The following TBCD variants were observed in gnomAD, a reference collection of about 807,000 sequenced individuals.
TBCD encodes the protein tubulin folding cofactor D, also known as tubulin-specific chaperone D.
A neutral mutation model predicts 169.3 loss-of-function variants in TBCD; 105 were observed. The observed-to-expected ratio is 0.62, with a 90% CI of 0.53 to 0.73. The LOEUF is 0.73. Ranked by LOEUF, TBCD falls within the 30% of genes least tolerant of loss-of-function variation. The probability of loss-of-function intolerance (pLI) is 0.00; values close to 1 mark genes in which losing one functional copy is unlikely to be tolerated. For missense variants in TBCD, 1,444 were observed against 1,600.1 expected, an observed-to-expected ratio of 0.90 and a Z score of 1.66; for synonymous variants, 700 against 643.9, an observed-to-expected ratio of 1.09 and a Z score of -1.32.
rs1263658483 is a variant in TBCD, at chr17:82,889,538, A to G, written c.1534-130A>G. 3.6e-6 allele frequency: 4 copies of G among 1,115,370 alleles called. No individual in the cohort carries two copies. The African/African-American group carries it at 4.7e-5, about 13-fold the overall frequency. The allele number at this position is 1,115,370 out of a possible 1,614,324, so 69.1% of individuals were successfully genotyped here. ...ACGCACCTTGAGGCTCTGTTCAGCC[A>G]ACAATGAGGGCTTTTATTTAAAAAA... On this transcript the variant is annotated intron_variant, in intron 15 of 38. Coordinates refer to ENST00000355528, the MANE Select transcript of TBCD (RefSeq NM_005993.5). The surrounding 1 kb of genome is among the most constrained non-coding windows in gnomAD (Gnocchi z 5.3).
At position 82,930,404 on chromosome 17, in the gene TBCD, C is replaced by T. The variant is rs868034846; in HGVS notation, c.2992-118C>T. 2.0e-5 allele frequency: 28 copies of T among 1,421,526 alleles called. No individual in the cohort carries two copies. Among genetic ancestry groups the T allele is most frequent in the Middle Eastern group, 2.5e-4 (1 of 3,952 alleles). 88.1% of individuals were successfully genotyped at this position (1,421,526 alleles called of 1,614,324 possible). ...CCAGCCGCTTGGGGCCAGACCTTCGCGTCTCTGCAGCTCGGAGCAGTTCTG... is the reference window on the plus strand; with the variant it reads ...CCAGCCGCTTGGGGCCAGACCTTCGTGTCTCTGCAGCTCGGAGCAGTTCTG... On this transcript the variant is annotated intron_variant, in intron 32 of 38. Transcript: ENST00000355528. This position sits in a 1 kb window ranked among gnomAD's most constrained non-coding sequence, Gnocchi z 5.2.
At position 82,937,742 on chromosome 17, in the gene TBCD, G is replaced by T. The variant is rs1196490629; in HGVS notation, c.3282-307G>T. 1.1e-5 allele frequency: 10 copies of T among 894,360 alleles called. No homozygotes were observed. In the East Asian group the frequency reaches 2.7e-4, roughly 24 times the overall value. The allele number at this position is 894,360 out of a possible 1,614,324, so 55.4% of individuals were successfully genotyped here. ...ACACTGGGCAGGTGCGCCAGCCAGC[G>T]ATAGGCACCTTGGCTGCTCTGTGGC... On this transcript the variant is annotated intron_variant, in intron 35 of 38. Coordinates refer to ENST00000355528, the MANE Select transcript of TBCD (RefSeq NM_005993.5).
intron 11 of TBCD, 113 bp from the exon 12 acceptor site, chr17:82,809,595 C>T: frequency 8.4e-7 from 1 of 1,188,088 alleles, no homozygotes; most frequent in South Asian, 1.3e-5. Context: ...TTGGCCTCTT[C>T]TCTCCTGGTC....
intron 7 of TBCD, among the ~76,000 whole-genome samples, chr17:82,794,899 G>C (rs1052430015): frequency 6.6e-6 from 1 of 152,198 alleles, no homozygotes; most frequent in Non-Finnish European, 1.5e-5. Flanking sequence ...AGGAGAAAAA[G>C]ACCCTTCGCC....
intron 13 of TBCD, among the ~76,000 whole-genome samples, chr17:82,866,493 G>T (rs9303014): frequency 0.52 from 79,396 of 152,200 alleles, 21,546 homozygotes; most frequent in East Asian, 0.71. Context: ...GCCGTCAGCA[G>T]CCAGGCCTTG....
In TBCD at chr17:82,835,992, G is replaced by A. The variant is rs908334851; in HGVS notation, c.1318+21058G>A. On this transcript the variant is annotated intron_variant, in intron 13 of 38. Coordinates refer to ENST00000355528, the MANE Select transcript of TBCD (RefSeq NM_005993.5). This position sits in a 1 kb window ranked among gnomAD's most constrained non-coding sequence, Gnocchi z 4.5. ...GGCTCAGACCCCGCGCTCAGCACCC[G>A]TCTCCCACCGTGGGCTGCCACAGAA... is the stretch of plus-strand genomic sequence containing the variant. 3.9e-5 allele frequency among the ~76,000 whole-genome samples: 6 copies of A among 152,164 alleles called. No homozygotes were observed. The highest frequency in any genetic ancestry group is 5.9e-5 in the Non-Finnish European group (4 of 68,018).
chr17:82,832,426 T>C lies in TBCD; in HGVS notation c.1318+17492T>C, dbSNP rs1158032058. ...AGGCCTGGGGATGTAATGTGGCTTT[T>C]TTGGCTTCCGCTCTTTGAGGAGACT... On this transcript the variant is annotated intron_variant, in intron 13 of 38. Coordinates refer to ENST00000355528, the MANE Select transcript of TBCD (RefSeq NM_005993.5). The surrounding 1 kb of genome is among the most constrained non-coding windows in gnomAD (Gnocchi z 4.9). 1.2e-6 allele frequency: 2 copies of C among 1,613,558 alleles called. No individual in the cohort carries two copies. The highest frequency in any genetic ancestry group is 1.7e-5 in the Admixed American group (1 of 60,028).
In TBCD at chr17:82,807,635, A is replaced by G; in HGVS notation, c.1115A>G (p.Lys372Arg). Residue 372 changes from lysine to arginine, a missense_variant, in exon 11 of 39, where the codon AAG (lysine) becomes AGG (arginine). Transcript: ENST00000355528. ...CAGCTGCTGGTCGGGCTGAAGGACA[A>G]GGACACGGTCGTGCGGTGGTCTGCA... ...IEQLLVGLKD[K>R]DTVVRWSAAK... 2 of 1,553,982 alleles carry G rather than the reference A, an allele frequency of 1.3e-6. No homozygotes were observed. Among genetic ancestry groups the G allele is most frequent in the Admixed American group, 1.9e-5 (1 of 51,770 alleles).
At chr17:82,787,403 G>A (rs574520715) in intron 7 of TBCD, among the ~76,000 whole-genome samples, 12 of 152,242 alleles carry the variant, frequency 7.9e-5, no homozygotes, top group African/African-American at 1.2e-4. Flanking sequence ...CTTCCAGAGC[G>A]TCTGAAGCCC....
At chr17:82,836,152 T>G (rs1307199983) in intron 13 of TBCD, among the ~76,000 whole-genome samples, 1 of 152,264 alleles carries the variant, frequency 6.6e-6, no homozygotes, top group Non-Finnish European at 1.5e-5. Flanking sequence ...GGGGCAGACC[T>G]GCTCTGGGTG....
chr17:82,785,977 A>G (rs2049293507), intron 7 of TBCD, among the ~76,000 whole-genome samples: 1 of 152,188 alleles, frequency 6.6e-6, no homozygotes, highest in Admixed American at 6.5e-5. Context: ...GTTGGCACCT[A>G]CATGTGTGTC....
At chr17:82,893,894 C>G (rs1485328246) in intron 17 of TBCD, among the ~76,000 whole-genome samples, 1 of 152,218 alleles carries the variant, frequency 6.6e-6, no homozygotes, top group Admixed American at 6.5e-5. Context: ...AGGAGTGCGG[C>G]CTTGCCGTGA....
chr17:82,812,629 C>T (rs544690623), intron 12 of TBCD, among the ~76,000 whole-genome samples: 77 of 152,326 alleles, frequency 5.1e-4, no homozygotes, highest in African/African-American at 1.6e-3. Context: ...ACTGCGATCT[C>T]CGCCTCCTGG....
intron 23 of TBCD, chr17:82,918,844 C>T (rs1204226905): frequency 3.9e-5 from 6 of 152,230 alleles, no homozygotes; most frequent in African/African-American, 1.4e-4. Context: ...TCCCAGTCCT[C>T]AACACACATC....
chr17:82,830,173 A>G, intron 13 of TBCD: 1 of 1,614,192 alleles, frequency 6.2e-7, no homozygotes, highest in East Asian at 2.2e-5. Context: ...TCGTAGTGTG[A>G]ACACTCTGGC....
chr17:82,927,167 C>T lies in TBCD; in HGVS notation c.2472-19C>T. 3 of 1,613,888 alleles carry T rather than the reference C, an allele frequency of 1.9e-6. 1 individual carries two copies. Among genetic ancestry groups the T allele is most frequent in the Non-Finnish European group, 2.5e-6 (3 of 1,179,814 alleles). On this transcript the variant is annotated intron_variant, in intron 28 of 38. Transcript: ENST00000355528. The stretch of plus-strand genomic sequence containing the variant: ...GCTCACCGATGTTTGTTTGTTAGCT[C>T]ACACATTTTAAATTTCAGGATTTGC...
At chr17:82,858,733 C>A (rs777083063) in intron 13 of TBCD, 3 of 861,712 alleles carry the variant, frequency 3.5e-6, no homozygotes, top group Admixed American at 6.2e-5. Flanking sequence ...GATGGAAAAT[C>A]GACTGAGTGT....
At chr17:82,848,418 C>T (rs1266146894) in intron 13 of TBCD, among the ~76,000 whole-genome samples, 1 of 152,212 alleles carries the variant, frequency 6.6e-6, no homozygotes, top group African/African-American at 2.4e-5. Flanking sequence ...GGTTTGTGAA[C>T]TTGGGCCAAG....
intron 23 of TBCD, among the ~76,000 whole-genome samples, chr17:82,917,008 T>A (rs2061083522): frequency 1.9e-5 from 2 of 106,228 alleles, no homozygotes; most frequent in South Asian, 3.2e-4. Context: ...TTGGACTTTT[T>A]TTTTTCTTTT....
Sources: gnomAD v4.1 joint callset for allele counts (sites outside exome capture counted in the v4.1 genomes callset) on GRCh38, gnomAD v4.1.1 for gene constraint, Gnocchi (gnomAD v3.1) non-coding constraint, MANE v1.5 for transcripts, NCBI Gene and HGNC (gene_info 2026-07-23, HGNC 2026-07-21) for gene names.